The following DENND1A variants were observed in gnomAD, a reference collection of about 807,000 sequenced individuals.
DENND1A encodes the protein DENN domain-containing protein 1A.
Under a neutral mutation model 113.7 loss-of-function variants are expected in DENND1A, and 51 were observed. The observed-to-expected ratio is 0.45, with a 90% CI of 0.36 to 0.57. The LOEUF is 0.57. DENND1A is among the 20% of genes least tolerant of loss of function. DENND1A has a pLI of 0.00. For synonymous variants in DENND1A, 565 were observed against 570.8 expected (o/e 0.99, Z 0.14); for missense variants, 1,258 against 1,395.9 (o/e 0.90, Z 1.57).
intron 2 of DENND1A, among the ~76,000 whole-genome samples, chr9:123,801,792 ATC>A (rs1396461002): frequency 6.6e-6 from 1 of 152,236 alleles, no homozygotes; most frequent in African/African-American, 2.4e-5. Context: ...CCAATTTCAT[ATC>A]TGTGTCTTAA....
chr9:123,672,991 T>C (rs2063838995), intron 6 of DENND1A, among the ~76,000 whole-genome samples: 1 of 152,234 alleles, frequency 6.6e-6, no homozygotes, highest in Admixed American at 6.5e-5. Flanking sequence ...TTAGTAGTTA[T>C]AACCCTCTAC....
intron 5 of DENND1A, among the ~76,000 whole-genome samples, chr9:123,715,971 C>T (rs1014537525): frequency 3.3e-5 from 5 of 152,058 alleles, no homozygotes; most frequent in Admixed American, 1.3e-4. Context: ...CCACCACACC[C>T]GGGTAGGCAC....
chr9:123,419,284 G>T (rs540934304), intron 19 of DENND1A, among the ~76,000 whole-genome samples: 1 of 152,334 alleles, frequency 6.6e-6, no homozygotes, highest in Non-Finnish European at 1.5e-5. Context: ...TGGCCCCAAA[G>T]GGGGTCTCAG....
Position 123,716,696 on chromosome 9 carries a change from C to G in DENND1A, c.303-39907G>C, listed in dbSNP as rs953466183. 2.6e-5 allele frequency among the ~76,000 whole-genome samples: 4 copies of G among 152,178 alleles called. No homozygotes were observed. In the East Asian group the frequency reaches 7.7e-4, roughly 29 times the overall value. On this transcript the variant is annotated intron_variant, in intron 5 of 23. Coordinates refer to ENST00000394215, the MANE Select transcript of DENND1A (RefSeq NM_001352964.2). ...AGTACAAACGAATGCAGTGGAGGTA[C>G]TGCTCTGAAGAACAAAATTAATTGC...
At position 123,583,157 on chromosome 9, in the gene DENND1A, C is replaced by T; in HGVS notation, c.867+12G>A. 2 of 1,597,164 alleles carry T rather than the reference C, an allele frequency of 1.3e-6. No individual in the cohort carries two copies. Among genetic ancestry groups the T allele is most frequent in the Middle Eastern group, 1.7e-4 (1 of 5,890 alleles). On this transcript the variant is annotated intron_variant, in intron 12 of 23. Coordinates refer to ENST00000394215, the MANE Select transcript of DENND1A (RefSeq NM_001352964.2). Reference sequence around the variant, plus strand: ...CTCACAGAAGTGAGATCCTCGCAAGCTCATTACCTACCACGTCGTTTGGGA... The same window carrying T: ...CTCACAGAAGTGAGATCCTCGCAAGTTCATTACCTACCACGTCGTTTGGGA...
At chr9:123,425,739 T>C (rs1469927295) in intron 19 of DENND1A, among the ~76,000 whole-genome samples, 4 of 152,148 alleles carry the variant, frequency 2.6e-5, no homozygotes, top group Admixed American at 6.5e-5. Context: ...CAAGCCAGCA[T>C]AGGGACAGTG....
At chr9:123,610,073 A>G (rs867133933) in intron 10 of DENND1A, among the ~76,000 whole-genome samples, 16 of 152,338 alleles carry the variant, frequency 1.1e-4, no homozygotes, top group Middle Eastern at 3.4e-3. Flanking sequence ...CCATGACACT[A>G]TAATTCAGAA....
intron 2 of DENND1A, among the ~76,000 whole-genome samples, chr9:123,810,302 C>T (rs1450202965): frequency 6.6e-6 from 1 of 152,114 alleles, no homozygotes; most frequent in Non-Finnish European, 1.5e-5. Flanking sequence ...CTGTCTCTTG[C>T]GCCTGAACTC....
rs114669501 is a variant in DENND1A at position 123,485,268 on chromosome 9, G to C, written c.994-27371C>G. Reference sequence around the variant, plus strand: ...TATAAACAAGCTCCATTTCAGCTCCGCACTATCACTAGGTGTGAGTCACAA... The same window carrying C: ...TATAAACAAGCTCCATTTCAGCTCCCCACTATCACTAGGTGTGAGTCACAA... On this transcript the variant is annotated intron_variant, in intron 13 of 23. Coordinates refer to ENST00000394215, the MANE Select transcript of DENND1A (RefSeq NM_001352964.2). Among the ~76,000 whole-genome samples, 579 of 152,316 alleles carry C rather than the reference G, an allele frequency of 3.8e-3. 3 individuals carry two copies. Among genetic ancestry groups the C allele is most frequent in the African/African-American group, 0.013 (551 of 41,558 alleles).
At position 123,813,775 on chromosome 9, in the gene DENND1A, C is replaced by A. The variant is rs527352521; in HGVS notation, c.89-21145G>T. ...CAGCTTTTTTAATACTCATAAGATA[C>A]CAAGTTTTAAGAGAGTTTCGTGCAG... On this transcript the variant is annotated intron_variant, in intron 2 of 23. Transcript: ENST00000394215. Among the ~76,000 whole-genome samples, 111 of 152,166 alleles carry A rather than the reference C, an allele frequency of 7.3e-4. 1 individual carries two copies. The highest frequency in any genetic ancestry group is 2.6e-3 in the African/African-American group (108 of 41,476).
At chr9:123,557,797 C>T (rs2057509866) in intron 12 of DENND1A, 102 bp from the exon 13 acceptor site, 2 of 1,379,590 alleles carry the variant, frequency 1.4e-6, no homozygotes, top group Non-Finnish European at 2.0e-6. Context: ...CTACGGATGG[C>T]AGGATCCATT....
At chr9:123,559,726 G>A (rs1417994123) in intron 12 of DENND1A, among the ~76,000 whole-genome samples, 1 of 152,146 alleles carries the variant, frequency 6.6e-6, no homozygotes, top group African/African-American at 2.4e-5. Context: ...ACAGTTCGGT[G>A]GTTTTTAGTG....
At chr9:123,671,467 G>T in intron 6 of DENND1A, 96 bp from the exon 7 acceptor site, 1 of 1,137,084 alleles carries the variant, frequency 8.8e-7, no homozygotes, top group South Asian at 1.3e-5. Flanking sequence ...GAGGGGGCTG[G>T]GGAGATGCTG....
chr9:123,657,463 C>T (rs919203967), intron 8 of DENND1A, among the ~76,000 whole-genome samples: 7 of 152,056 alleles, frequency 4.6e-5, no homozygotes, highest in African/African-American at 1.7e-4. Context: ...AGAGAGAAAG[C>T]GTCTTAGGTT....
intron 1 of DENND1A, among the ~76,000 whole-genome samples, chr9:123,920,232 A>G (rs543332871): frequency 6.6e-6 from 1 of 152,234 alleles, no homozygotes; most frequent in African/African-American, 2.4e-5. Flanking sequence ...GGAGTTTGAG[A>G]CCAGCCTGGC....
At chr9:123,614,085 C>A (rs2060533551) in intron 10 of DENND1A, among the ~76,000 whole-genome samples, 1 of 152,168 alleles carries the variant, frequency 6.6e-6, no homozygotes, top group Non-Finnish European at 1.5e-5. Context: ...GCATTACACA[C>A]ATAATGCTCA....
At chr9:123,432,399 C>T (rs1279363588) in intron 19 of DENND1A, among the ~76,000 whole-genome samples, 1 of 152,202 alleles carries the variant, frequency 6.6e-6, no homozygotes, top group Non-Finnish European at 1.5e-5. Context: ...CAATTAGGGG[C>T]CACGCTGCTC....
At chr9:123,756,441 T>C (rs146669821) in intron 5 of DENND1A, among the ~76,000 whole-genome samples, 81 of 152,298 alleles carry the variant, frequency 5.3e-4, no homozygotes, top group African/African-American at 1.9e-3. Flanking sequence ...TCTAATGCTC[T>C]GGGCAGGTAA....
At chr9:123,635,308 A>G (rs537012848) in intron 9 of DENND1A, among the ~76,000 whole-genome samples, 26 of 152,308 alleles carry the variant, frequency 1.7e-4, no homozygotes, top group Admixed American at 7.8e-4. Flanking sequence ...GTGTTGATAC[A>G]CATATACACT....
Sources: allele counts gnomAD v4.1 joint callset (sites outside exome capture counted in the v4.1 genomes callset), GRCh38; gene constraint gnomAD v4.1.1; transcripts MANE v1.5; gene names NCBI Gene and HGNC (gene_info 2026-07-23, HGNC 2026-07-21).